The following CLVS1 variants were observed in gnomAD, a reference collection of about 807,000 sequenced individuals.
The protein encoded by CLVS1 is clavesin 1.
A neutral mutation model predicts 33.1 loss-of-function variants in CLVS1; 10 were observed. That is an observed-to-expected ratio of 0.30 (90% CI 0.19 to 0.51). The LOEUF (loss-of-function observed/expected upper bound fraction) is 0.51, where lower values mean the gene tolerates loss of function less well. Among genes scored for constraint, CLVS1 ranks in the 20% least tolerant of loss-of-function variants. CLVS1 has a pLI of 0.97. For synonymous variants in CLVS1, 163 were observed against 166.1 expected (o/e 0.98, Z 0.14); for missense variants, 343 against 433.4 (o/e 0.79, Z 1.85).
chr8:61,238,553 T>C (rs964853478), intron 2 of CLVS1, among the ~76,000 whole-genome samples: 4 of 152,206 alleles, frequency 2.6e-5, no homozygotes, highest in African/African-American at 4.8e-5. Flanking sequence ...CTTCATTCTG[T>C]TCTCCAGATG....
intron 2 of CLVS1, among the ~76,000 whole-genome samples, chr8:61,321,416 G>A (rs901795523): frequency 6.6e-6 from 1 of 151,774 alleles, no homozygotes; most frequent in East Asian, 1.9e-4. Context: ...TCTTCTGGAT[G>A]CCTATAAGAT....
At position 61,155,893 on chromosome 8, in the gene CLVS1, G is replaced by A. The variant is rs975329846; in HGVS notation, c.-152+24033G>A. Among the ~76,000 whole-genome samples, 89 of 152,162 alleles carry A rather than the reference G, an allele frequency of 5.8e-4. 1 individual carries two copies. The highest frequency in any genetic ancestry group is 2.0e-4 in the Admixed American group (3 of 15,272). On this transcript the variant is annotated intron_variant, in intron 2 of 2. Coordinates refer to the CLVS1 transcript ENST00000522621. ...CTGTTCTTTCTGAGAGCTCCTCCCT[G>A]AGGGATGTCATCTGTAAACAAGATA...
chr8:61,172,371 T>C (rs1159525784), intron 2 of CLVS1, among the ~76,000 whole-genome samples: 1 of 152,136 alleles, frequency 6.6e-6, no homozygotes, highest in African/African-American at 2.4e-5. Context: ...AGACAACTTG[T>C]GGAATTAACT....
At chr8:61,254,542 C>G (rs1026355726) in intron 2 of CLVS1, among the ~76,000 whole-genome samples, 2 of 152,158 alleles carry the variant, frequency 1.3e-5, no homozygotes, top group African/African-American at 4.8e-5. Context: ...GGCAGGCAGG[C>G]CTTCTTGAGC....
At chr8:61,070,692 T>C (rs932295600) in intron 1 of CLVS1, among the ~76,000 whole-genome samples, 7 of 152,136 alleles carry the variant, frequency 4.6e-5, no homozygotes, top group Middle Eastern at 3.2e-3. Context: ...ATTAAAAAAT[T>C]ATCCAGGCAC....
intron 1 of CLVS1, among the ~76,000 whole-genome samples, chr8:61,070,492 A>G (rs759346200): frequency 1.2e-4 from 18 of 152,264 alleles, no homozygotes; most frequent in Non-Finnish European, 2.5e-4. Context: ...AGAATTTCCT[A>G]TTGTTTTCCC....
At chr8:61,209,811 T>C (rs1339674668) in intron 2 of CLVS1, among the ~76,000 whole-genome samples, 1 of 141,938 alleles carries the variant, frequency 7.0e-6, no homozygotes, top group African/African-American at 2.7e-5. Context: ...ATGCCACCAA[T>C]ATCCTTGTAC....
At chr8:61,345,032 G>A (rs917781726) in intron 2 of CLVS1, among the ~76,000 whole-genome samples, 6 of 152,298 alleles carry the variant, frequency 3.9e-5, no homozygotes, top group African/African-American at 1.4e-4. Context: ...TTGCTCATCT[G>A]CTGCTACACC....
chr8:61,286,377 C>T (rs72657040), upstream of CLVS1, among the ~76,000 whole-genome samples: 1,303 of 152,298 alleles, frequency 8.6e-3, 11 homozygotes, highest in Non-Finnish European at 0.013. Flanking sequence ...CCTATGGAGC[C>T]ATAGAGCATA....
At chr8:61,359,343 G>C (rs1812873635) in intron 2 of CLVS1, among the ~76,000 whole-genome samples, 1 of 152,068 alleles carries the variant, frequency 6.6e-6, no homozygotes, top group Non-Finnish European at 1.5e-5. Flanking sequence ...GTTTAATGAT[G>C]CTAGAAAAGA....
Position 61,343,038 on chromosome 8 carries a change from G to A in CLVS1, c.456-33567G>A, listed in dbSNP as rs1171477489. ...AGGTATTAACATTGGAGTGATTTTC[G>A]TATCTCTACACTCGATGGAGACTTC... On this transcript the variant is annotated intron_variant, in intron 2 of 5. Transcript: ENST00000325897. Among the ~76,000 whole-genome samples, 4 of 152,056 alleles carry A rather than the reference G, an allele frequency of 2.6e-5. No homozygotes were observed. The South Asian group carries it at 6.2e-4, about 24-fold the overall frequency.
intron 2 of CLVS1, among the ~76,000 whole-genome samples, chr8:61,160,817 C>A (rs780098668): frequency 6.6e-6 from 1 of 152,154 alleles, no homozygotes; most frequent in South Asian, 2.1e-4. Flanking sequence ...TAGGCCTCAA[C>A]CTTGCCCCTG....
intron 2 of CLVS1, among the ~76,000 whole-genome samples, chr8:61,235,344 G>C (rs1308151572): frequency 6.6e-6 from 1 of 152,136 alleles, no homozygotes; most frequent in East Asian, 1.9e-4. Flanking sequence ...GAGCTACATG[G>C]AAATGCTTTA....
chr8:61,442,390 T>G (rs1816586158), intron 3 of CLVS1, among the ~76,000 whole-genome samples: 1 of 152,238 alleles, frequency 6.6e-6, no homozygotes, highest in South Asian at 2.1e-4. Context: ...CAAATAGAGC[T>G]GCTGTGAGTG....
chr8:61,282,468 G>A (rs1158045774), intron 2 of CLVS1, among the ~76,000 whole-genome samples: 2 of 152,156 alleles, frequency 1.3e-5, no homozygotes, highest in Non-Finnish European at 2.9e-5. Context: ...AATCCTTCTG[G>A]GATGCAGATA....
intron 3 of CLVS1, among the ~76,000 whole-genome samples, chr8:61,410,434 G>A (rs1172287837): frequency 6.6e-6 from 1 of 151,958 alleles, no homozygotes; most frequent in African/African-American, 2.4e-5. Flanking sequence ...CCGGTAGATC[G>A]ACTTTCTTTA....
the CLVS1 span, among the ~76,000 whole-genome samples, chr8:60,979,769 G>A: frequency 2.6e-5 from 4 of 152,168 alleles, no homozygotes; most frequent in African/African-American, 4.8e-5. Flanking sequence ...AGGCAGGTCT[G>A]ATTTCTAGGG....
At chr8:61,197,824 C>T (rs936946999) in intron 2 of CLVS1, among the ~76,000 whole-genome samples, 2 of 152,174 alleles carry the variant, frequency 1.3e-5, no homozygotes, top group African/African-American at 4.8e-5. Context: ...CATTCATACC[C>T]AGTATGGCTT....
chr8:61,309,839 C>T (rs905586367), intron 2 of CLVS1, among the ~76,000 whole-genome samples: 7 of 152,136 alleles, frequency 4.6e-5, no homozygotes, highest in East Asian at 1.9e-4. Flanking sequence ...ACCCCGAGGC[C>T]GTAGGTGGGA....
Sources: allele counts gnomAD v4.1 joint callset (sites outside exome capture counted in the v4.1 genomes callset), GRCh38; gene constraint gnomAD v4.1.1; transcripts MANE v1.5; gene names NCBI Gene and HGNC (gene_info 2026-07-23, HGNC 2026-07-21).